CSMD1: variants seen among roughly 807,000 people sequenced by gnomAD.
The protein encoded by CSMD1 is CUB and sushi domain-containing protein 1.
Under a neutral mutation model 417.5 loss-of-function variants are expected in CSMD1, and 213 were observed. The observed-to-expected ratio is 0.51, with a 90% CI of 0.46 to 0.57. CSMD1 has a LOEUF of 0.57. Among genes scored for constraint, CSMD1 ranks in the 20% least tolerant of loss-of-function variants. The pLI is 0.00. For synonymous variants in CSMD1, 2,862 were observed against 1,736.8 expected, an observed-to-expected ratio of 1.65 and a Z score of -16.11; for missense variants, 6,923 against 4,529.7, an observed-to-expected ratio of 1.53 and a Z score of -15.17.
chr8:3,827,787 A>T (rs1344418883), intron 5 of CSMD1, among the ~76,000 whole-genome samples: 2 of 152,306 alleles, frequency 1.3e-5, no homozygotes, highest in Admixed American at 6.5e-5. Context: ...TATCCTATAA[A>T]TTATTGCCAG....
At chr8:3,271,424 A>T (rs1228809392) in intron 26 of CSMD1, among the ~76,000 whole-genome samples, 1 of 151,694 alleles carries the variant, frequency 6.6e-6, no homozygotes, top group Non-Finnish European at 1.5e-5. Flanking sequence ...CATGATTTAT[A>T]TTCCTTTGGG....
chr8:4,442,587 C>G (rs73512784), intron 2 of CSMD1, among the ~76,000 whole-genome samples: 776 of 152,292 alleles, frequency 5.1e-3, no homozygotes, highest in African/African-American at 0.017. Flanking sequence ...ACTTATAGCT[C>G]TTCCCCAAAT....
intron 10 of CSMD1, among the ~76,000 whole-genome samples, chr8:3,504,760 G>T (rs1208176008): frequency 6.6e-6 from 1 of 152,064 alleles, no homozygotes; most frequent in African/African-American, 2.4e-5. Context: ...CTTAAGTGTG[G>T]TTTTCACAAA....
At chr8:3,748,459 C>T (rs568292691) in intron 6 of CSMD1, among the ~76,000 whole-genome samples, 86 of 152,216 alleles carry the variant, frequency 5.6e-4, no homozygotes, top group Non-Finnish European at 8.7e-4. Context: ...AGCAGTGGTC[C>T]GTGGAACCTT....
intron 3 of CSMD1, among the ~76,000 whole-genome samples, chr8:4,038,286 CTA>C (rs1201803240): frequency 2.0e-5 from 3 of 152,008 alleles, no homozygotes; most frequent in African/African-American, 4.8e-5. Flanking sequence ...ATATTTTCTT[CTA>C]GTTTCAAACA....
At chr8:3,450,787 G>A (rs10089656) in intron 12 of CSMD1, among the ~76,000 whole-genome samples, 10 of 151,492 alleles carry the variant, frequency 6.6e-5, no homozygotes, top group East Asian at 3.9e-4. Flanking sequence ...GTGTGCATGT[G>A]TCTTTATAGC....
At chr8:4,203,297 C>T (rs1799774580) in intron 3 of CSMD1, among the ~76,000 whole-genome samples, 1 of 152,104 alleles carries the variant, frequency 6.6e-6, no homozygotes, top group Non-Finnish European at 1.5e-5. Context: ...AACACAGGCC[C>T]CTCAACACCA....
rs73658287 is a variant in CSMD1 at position 3,813,220 on chromosome 8, A to C, written c.819-59178T>G. On this transcript the variant is annotated intron_variant, in intron 5 of 69. Coordinates refer to ENST00000635120, the MANE Select transcript of CSMD1 (RefSeq NM_033225.6). ...CAGTCAGGTATCCTTGCTAATAAAAAAGAGGGTGAAATTGTCCTGTCATCA... is the reference window on the plus strand; with the variant it reads ...CAGTCAGGTATCCTTGCTAATAAAACAGAGGGTGAAATTGTCCTGTCATCA... Among the ~76,000 whole-genome samples, 877 of 152,166 alleles carry C rather than the reference A, an allele frequency of 5.8e-3. 5 individuals are homozygous for C. Among genetic ancestry groups the C allele is most frequent in the African/African-American group, 0.02 (828 of 41,530 alleles).
intron 5 of CSMD1, among the ~76,000 whole-genome samples, chr8:3,900,123 T>A (rs1394605350): frequency 6.6e-6 from 1 of 151,964 alleles, no homozygotes; most frequent in African/African-American, 2.4e-5. Flanking sequence ...TGTAGCTGGG[T>A]GACACTGCAG....
chr8:2,961,474 T>C (rs1482148237), intron 61 of CSMD1, among the ~76,000 whole-genome samples: 1 of 150,852 alleles, frequency 6.6e-6, no homozygotes, highest in Admixed American at 6.6e-5. Flanking sequence ...TTTTCCATTC[T>C]CTGGCTTTTT....
intron 2 of CSMD1, among the ~76,000 whole-genome samples, chr8:4,618,168 C>G (rs781344931): frequency 1.3e-5 from 2 of 152,088 alleles, no homozygotes; most frequent in Non-Finnish European, 2.9e-5. Flanking sequence ...AACCTAGGGA[C>G]CACCCATAAG....
intron 3 of CSMD1, among the ~76,000 whole-genome samples, chr8:4,357,755 G>A (rs977217660): frequency 2.6e-5 from 4 of 152,052 alleles, no homozygotes; most frequent in African/African-American, 9.7e-5. Flanking sequence ...AAGGTATATT[G>A]TAAAAGAAAA....
At chr8:4,361,062 G>T (rs374497017) in intron 3 of CSMD1, among the ~76,000 whole-genome samples, 1 of 151,966 alleles carries the variant, frequency 6.6e-6, no homozygotes, top group Non-Finnish European at 1.5e-5. Flanking sequence ...TGGATTTTTC[G>T]TGCCCAACAG....
chr8:3,180,126 T>G (rs1407466575), intron 37 of CSMD1, among the ~76,000 whole-genome samples: 3 of 152,242 alleles, frequency 2.0e-5, no homozygotes, highest in African/African-American at 4.8e-5. Flanking sequence ...TTTTTAGTGC[T>G]TGAAAACAGG....
chr8:3,152,699 A>C (rs943360556), intron 39 of CSMD1, among the ~76,000 whole-genome samples: 3 of 152,194 alleles, frequency 2.0e-5, no homozygotes, highest in Admixed American at 6.5e-5. Flanking sequence ...GTGAGTCATA[A>C]TTCTGGAAAA....
intron 5 of CSMD1, among the ~76,000 whole-genome samples, chr8:3,821,922 G>C (rs77341202): frequency 6.6e-6 from 1 of 152,192 alleles, no homozygotes; most frequent in Non-Finnish European, 1.5e-5. Context: ...ATGCGATGAA[G>C]ACAACATGGA....
chr8:3,557,507 C>T (rs930940692), intron 10 of CSMD1, among the ~76,000 whole-genome samples: 1 of 151,294 alleles, frequency 6.6e-6, no homozygotes, highest in Non-Finnish European at 1.5e-5. Context: ...TCATTATGCA[C>T]CATTAAGAAA....
chr8:3,625,460 C>G, intron 7 of CSMD1, among the ~76,000 whole-genome samples: 1 of 152,088 alleles, frequency 6.6e-6, no homozygotes, highest in Non-Finnish European at 1.5e-5. Context: ...CCTTCATGTG[C>G]TGACTTTTAA....
intron 6 of CSMD1, among the ~76,000 whole-genome samples, chr8:3,710,286 A>G (rs1352626197): frequency 1.3e-5 from 2 of 152,174 alleles, no homozygotes; most frequent in African/African-American, 2.4e-5. Flanking sequence ...GGTTAACTGT[A>G]TAAATAAATC....
Sources: allele counts gnomAD v4.1 joint callset (sites outside exome capture counted in the v4.1 genomes callset), GRCh38; gene constraint gnomAD v4.1.1; transcripts MANE v1.5; gene names NCBI Gene and HGNC (gene_info 2026-07-23, HGNC 2026-07-21).